NCAM2: variants seen among roughly 807,000 people sequenced by gnomAD.
The protein encoded by NCAM2 is N-CAM-2.
In NCAM2, 30 loss-of-function variants were observed where a neutral mutation model predicts 98.1. The ratio of observed to expected loss-of-function variants is 0.31; its 90% CI spans 0.23 to 0.41. The LOEUF is 0.41. Ranked by LOEUF, NCAM2 falls within the 10% of genes least tolerant of loss-of-function variation. The pLI, the probability that NCAM2 is intolerant of heterozygous loss-of-function variation, is 1.00. For missense variants in NCAM2, 867 were observed against 1,005.8 expected (o/e 0.86, Z 1.87); for synonymous variants, 368 against 342.4 (o/e 1.07, Z -0.83).
chr21:21,015,808 A>G (rs1375812000), intron 1 of NCAM2, among the ~76,000 whole-genome samples: 1 of 152,028 alleles, frequency 6.6e-6, no homozygotes, highest in East Asian at 1.9e-4. Context: ...CGTTCAAGCA[A>G]TTCTCCTGCC....
intron 1 of NCAM2, among the ~76,000 whole-genome samples, chr21:21,057,922 C>G (rs1601232744): frequency 6.6e-6 from 1 of 151,984 alleles, no homozygotes; most frequent in South Asian, 2.1e-4. Context: ...CAATACCTGT[C>G]TCCTTTAGGC....
At chr21:21,396,172 A>G (rs904931520) in intron 9 of NCAM2, among the ~76,000 whole-genome samples, 2 of 152,060 alleles carry the variant, frequency 1.3e-5, no homozygotes, top group Admixed American at 1.3e-4. Context: ...AAAAAAAAAA[A>G]AATACCATCA....
intron 16 of NCAM2, among the ~76,000 whole-genome samples, chr21:21,527,990 G>A (rs1397558326): frequency 6.6e-6 from 1 of 152,282 alleles, no homozygotes; most frequent in Non-Finnish European, 1.5e-5. Flanking sequence ...GTAGATCCCA[G>A]CAATGGGCTG....
chr21:21,318,945 A>C (rs569239167), intron 5 of NCAM2, among the ~76,000 whole-genome samples: 2 of 152,190 alleles, frequency 1.3e-5, no homozygotes, highest in South Asian at 4.1e-4. Flanking sequence ...AGAAAGAAAA[A>C]ATATTGAAAT....
In NCAM2 at chr21:21,054,125, A is replaced by G. The variant is rs187865055; in HGVS notation, c.55+55507A>G. Among the ~76,000 whole-genome samples the G allele has an allele frequency of 1.2e-3, 177 of 152,092 alleles. 5 individuals are homozygous for G. In the East Asian group the frequency reaches 0.029, roughly 25 times the overall value. On this transcript the variant is annotated intron_variant, in intron 1 of 17. Transcript: ENST00000400546. ...AAACTCTACTTTTTATAAAATAAAC[A>G]TTATAAACTATAAATTGTGCCTACC...
chr21:21,025,642 A>G (rs949624539), intron 1 of NCAM2, among the ~76,000 whole-genome samples: 3 of 151,964 alleles, frequency 2.0e-5, no homozygotes, highest in Non-Finnish European at 4.4e-5. Context: ...GTACCCAGGA[A>G]TTTGTTCTCT....
At chr21:21,395,097 C>T (rs149899642) in intron 9 of NCAM2, among the ~76,000 whole-genome samples, 223 of 152,170 alleles carry the variant, frequency 1.5e-3, no homozygotes, top group African/African-American at 4.6e-3. Context: ...TTTGGCAGGC[C>T]GAGGTAGGTG....
At chr21:21,510,146 A>G (rs1192572928) in intron 16 of NCAM2, among the ~76,000 whole-genome samples, 3 of 152,180 alleles carry the variant, frequency 2.0e-5, no homozygotes, top group East Asian at 3.8e-4. Context: ...CCCCTACATA[A>G]TTCAACTTGC....
At chr21:21,394,512 A>T (rs554968173) in intron 9 of NCAM2, among the ~76,000 whole-genome samples, 1 of 77,678 alleles carries the variant, frequency 1.3e-5, no homozygotes, top group Non-Finnish European at 2.3e-5. Context: ...TTTTTGAGAC[A>T]GAGTTGCGCT....
intron 11 of NCAM2, among the ~76,000 whole-genome samples, chr21:21,429,289 G>T (rs914410048): frequency 3.9e-5 from 6 of 152,058 alleles, no homozygotes; most frequent in Non-Finnish European, 5.9e-5. Flanking sequence ...ACCATGTCAG[G>T]GTGCACAGTT....
intron 9 of NCAM2, among the ~76,000 whole-genome samples, chr21:21,398,320 C>T (rs114154988): frequency 1.3e-3 from 203 of 152,204 alleles, no homozygotes; most frequent in African/African-American, 4.7e-3. Context: ...GTGTATACTG[C>T]TCAGGTGATG....
rs554579983 is a variant in NCAM2, at chr21:21,332,802, G to A, written c.738-2703G>A. Among the ~76,000 whole-genome samples the A allele has an allele frequency of 1.1e-4, 17 of 152,270 alleles. No individual in the cohort carries two copies. In the South Asian group the frequency reaches 3.1e-3, roughly 28 times the overall value. On this transcript the variant is annotated intron_variant, in intron 6 of 17. Transcript: ENST00000400546. The stretch of plus-strand genomic sequence containing the variant: ...CCTGAAAACTCTCTTCAGGCAGTCA[G>A]CGATGGAGGTACTCATATGCCACTG...
At chr21:21,138,230 A>C (rs1424256373) in intron 1 of NCAM2, among the ~76,000 whole-genome samples, 2 of 152,266 alleles carry the variant, frequency 1.3e-5, no homozygotes, top group South Asian at 2.1e-4. Flanking sequence ...GGTGGAAGAA[A>C]AACGTCCTTA....
rs1485532318 is a variant in NCAM2 at position 21,232,483 on chromosome 21, T to C, written c.56-48095T>C. Among the ~76,000 whole-genome samples the C allele has an allele frequency of 2.0e-5, 3 of 151,564 alleles. No individual in the cohort carries two copies. The Admixed American group carries it at 2.0e-4, about 10-fold the overall frequency. On this transcript the variant is annotated intron_variant, in intron 1 of 17. Coordinates refer to ENST00000400546, the MANE Select transcript of NCAM2 (RefSeq NM_004540.5). ...TTGTACAGCTGTGTTTGAATATTGCTTGAGTTGCCACTTGATGGCAGTCAT... is the reference window on the plus strand; with the variant it reads ...TTGTACAGCTGTGTTTGAATATTGCCTGAGTTGCCACTTGATGGCAGTCAT...
At chr21:21,169,791 A>C (rs2068062768) in intron 1 of NCAM2, among the ~76,000 whole-genome samples, 1 of 151,942 alleles carries the variant, frequency 6.6e-6, no homozygotes, top group Non-Finnish European at 1.5e-5. Context: ...TCTGCAAATA[A>C]AAAATAAAAT....
chr21:21,498,579 A>G (rs1049196801), intron 15 of NCAM2, among the ~76,000 whole-genome samples: 1 of 152,182 alleles, frequency 6.6e-6, no homozygotes, highest in African/African-American at 2.4e-5. Context: ...TGAACTTAAA[A>G]AAGTTGCCAA....
At chr21:21,264,698 TAC>T (rs982943370) in intron 1 of NCAM2, among the ~76,000 whole-genome samples, 4 of 149,476 alleles carry the variant, frequency 2.7e-5, no homozygotes, top group African/African-American at 9.8e-5. Context: ...CACACATACA[TAC>T]ACACACATAC....
At position 21,384,034 on chromosome 21, in the gene NCAM2, A is replaced by G. The variant is rs889115823; in HGVS notation, c.1195+10021A>G. On this transcript the variant is annotated intron_variant, in intron 9 of 17. Transcript: ENST00000400546. ...TTGACATGTTTACATAGAGACAAAAACTATCTTCATGAAAACTGTAATAAG... is the reference window on the plus strand; with the variant it reads ...TTGACATGTTTACATAGAGACAAAAGCTATCTTCATGAAAACTGTAATAAG... Among the ~76,000 whole-genome samples, 16 of 152,160 alleles carry G rather than the reference A, an allele frequency of 1.1e-4. No individual in the cohort carries two copies. In the South Asian group the frequency reaches 3.3e-3, roughly 32 times the overall value.
At chr21:21,178,415 A>G (rs1019041698) in intron 1 of NCAM2, among the ~76,000 whole-genome samples, 12 of 152,072 alleles carry the variant, frequency 7.9e-5, no homozygotes, top group African/African-American at 2.9e-4. Flanking sequence ...TTAATTTCTG[A>G]TTGCTTCATA....
Sources: allele counts gnomAD v4.1 joint callset (sites outside exome capture counted in the v4.1 genomes callset), GRCh38; gene constraint gnomAD v4.1.1; transcripts MANE v1.5; gene names NCBI Gene and HGNC (gene_info 2026-07-23, HGNC 2026-07-21).